The following CORO6 variants were observed in gnomAD, a reference collection of about 807,000 sequenced individuals.
CORO6 encodes the protein coronin 6, also known as coronin-6.
In CORO6, 43 loss-of-function variants were observed where a neutral mutation model predicts 49.0. That is an observed-to-expected ratio of 0.88 (90% CI 0.69 to 1.13). The LOEUF (loss-of-function observed/expected upper bound fraction) is 1.13, where lower values mean the gene tolerates loss of function less well. CORO6 is among the 50% of genes most tolerant of loss of function. The pLI is 0.00. For synonymous variants in CORO6, 233 were observed against 256.5 expected, an observed-to-expected ratio of 0.91 and a Z score of 0.88; for missense variants, 650 against 647.0, an observed-to-expected ratio of 1.00 and a Z score of -0.05.
chr17:29,621,138 T>G lies in CORO6; in HGVS notation c.198+86A>C. On this transcript the variant is annotated intron_variant, in intron 2 of 10. Transcript: ENST00000388767. This position sits in a 1 kb window ranked among gnomAD's most constrained non-coding sequence, Gnocchi z 4.2. ...ACAGATGCTTCTCCTGACTATGGAA[T>G]GGAACTAGGTGAGAACAAAGGCTCA... The G allele has an allele frequency of 6.6e-7, 1 of 1,512,278 alleles. No individual in the cohort carries two copies. The highest frequency in any genetic ancestry group is 9.0e-7 in the Non-Finnish European group (1 of 1,106,094). 93.7% of individuals were successfully genotyped at this position (1,512,278 alleles called of 1,614,324 possible). A position where few individuals can be genotyped will look rare whatever the true frequency, so the allele number is the denominator to read the frequency against.
At chr17:29,617,903 C>T (rs866037453) in intron 5 of CORO6, 13 of 764,874 alleles carry the variant, frequency 1.7e-5, no homozygotes, top group South Asian at 1.4e-4. Context: ...TGTCTGCTGG[C>T]TCCCCGGAGT....
chr17:29,618,354 C>T, intron 5 of CORO6: 1 of 1,289,920 alleles, frequency 7.8e-7, no homozygotes, highest in East Asian at 3.1e-5. Flanking sequence ...GAGGGTTGCC[C>T]CATCCCCCGC....
Position 29,621,257 on chromosome 17 carries a change from G to A in CORO6, c.165C>T (p.Gly55=), listed in dbSNP as rs759211260. ...GAGGCAGGACGATGAAGGCACCCCC[G>A]CCTCCAGCCTCCACAATAATGGCCA... ...KFLAIIVEAG[G]GGAFIVLPLA... The change falls in exon 2 of 11, where the codon GGC becomes GGT. Residue 55 remains glycine (G), a synonymous_variant. Coordinates refer to ENST00000388767, the MANE Select transcript of CORO6 (RefSeq NM_032854.4). The surrounding 1 kb of genome is among the most constrained non-coding windows in gnomAD (Gnocchi z 4.2). The A allele has an allele frequency of 2.8e-5, 45 of 1,613,974 alleles. No homozygotes were observed. Among genetic ancestry groups the A allele is most frequent in the Non-Finnish European group, 3.5e-5 (41 of 1,180,032 alleles).
At position 29,621,484 on chromosome 17, in the gene CORO6, G is replaced by A. The variant is rs1459791963; in HGVS notation, c.-63C>T. 6.5e-7 allele frequency: 1 copy of A among 1,546,772 alleles called. No individual in the cohort carries two copies. Among genetic ancestry groups the A allele is most frequent in the South Asian group, 1.2e-5 (1 of 84,384 alleles). ...ATGCCTTTGGTCCTTAGTCCTGTGAGCTGCGGGAGGGAGGAGGAGTGGAGG... is the reference window on the plus strand; with the variant it reads ...ATGCCTTTGGTCCTTAGTCCTGTGAACTGCGGGAGGGAGGAGGAGTGGAGG... On this transcript the variant is annotated splice_region_variant and 5_prime_UTR_variant, in exon 2 of 11. Coordinates refer to ENST00000388767, the MANE Select transcript of CORO6 (RefSeq NM_032854.4). This position sits in a 1 kb window ranked among gnomAD's most constrained non-coding sequence, Gnocchi z 4.2.
Position 29,619,193 on chromosome 17 carries a change from G to T in CORO6, c.322-4C>A. ...TATAGTCTGGAATCTGCCACACCTG[G>T]GTAGGAAGAAAAGGTATATGGTGGG... On this transcript the variant is annotated splice_region_variant and splice_polypyrimidine_tract_variant and intron_variant, in intron 3 of 10. Coordinates refer to ENST00000388767, the MANE Select transcript of CORO6 (RefSeq NM_032854.4). 1 of 1,613,194 alleles carries T rather than the reference G, an allele frequency of 6.2e-7. No homozygotes were observed. The highest frequency in any genetic ancestry group is 8.5e-7 in the Non-Finnish European group (1 of 1,179,834).
Position 29,615,779 on chromosome 17 carries a change from T to C in CORO6, c.1372A>G (p.Thr458Ala). Reference protein sequence around the residue: ...ERVQAQEQRITALENMLCELV... With the variant: ...ERVQAQEQRIAALENMLCELV... The stretch of plus-strand genomic sequence containing the variant: ...TCGCACAGCATGTTCTCCAGAGCCG[T>C]GATGCGCTGCTCCTGGGCCTGCACC... The change falls in exon 11 of 11, where the codon ACG (threonine) becomes GCG (alanine). Residue 458 changes from threonine (T) to alanine (A), a missense_variant. Coordinates refer to ENST00000388767, the MANE Select transcript of CORO6 (RefSeq NM_032854.4). 1 of 1,556,894 alleles carries C rather than the reference T, an allele frequency of 6.4e-7. No individual in the cohort carries two copies. The highest frequency in any genetic ancestry group is 8.7e-7 in the Non-Finnish European group (1 of 1,151,198).
chr17:29,621,202 C>T lies in CORO6; in HGVS notation c.198+22G>A, dbSNP rs374807611. 3.1e-6 allele frequency: 5 copies of T among 1,613,684 alleles called. No homozygotes were observed. The highest frequency in any genetic ancestry group is 3.4e-6 in the Non-Finnish European group (4 of 1,179,884). On this transcript the variant is annotated intron_variant, in intron 2 of 10. Transcript: ENST00000388767. The surrounding 1 kb of genome is among the most constrained non-coding windows in gnomAD (Gnocchi z 4.2). The stretch of plus-strand genomic sequence containing the variant: ...GCCCCAGCTAGTGTCCTCCCACTTG[C>T]TTCCTTTCCCTGATCCCTCACCTTG...
rs1325788099 is a variant in CORO6, at chr17:29,616,233, C to G, written c.1062+46G>C. On this transcript the variant is annotated intron_variant, in intron 9 of 10. Coordinates refer to ENST00000388767, the MANE Select transcript of CORO6 (RefSeq NM_032854.4). This position sits in a 1 kb window ranked among gnomAD's most constrained non-coding sequence, Gnocchi z 5.6. ...GAGAGGGTGCGGGGCTTGCTCCGCT[C>G]CCTTCCGCCTCGTAGCCCTGCCCAA... is the stretch of plus-strand genomic sequence containing the variant. The G allele has an allele frequency of 1.2e-6, 2 of 1,610,528 alleles. No homozygotes were observed. The highest frequency in any genetic ancestry group is 2.2e-5 in the East Asian group (1 of 44,820).
intron 6 of CORO6, 21 bp downstream of exon 6, chr17:29,617,479 C>T: frequency 6.3e-7 from 1 of 1,598,814 alleles, no homozygotes; most frequent in Non-Finnish European, 8.5e-7. Flanking sequence ...GGCACACACC[C>T]CAAGCCTCCA....
chr17:29,614,895 G>T lies in CORO6; in HGVS notation c.*837C>A, dbSNP rs1286319697. On this transcript the variant is annotated 3_prime_UTR_variant, in exon 11 of 11. Transcript: ENST00000388767. ...CCTGAGCCCAGGAGTGCATCGCCAG[G>T]TCTCCCAGGAGCCTGGGGGTAGCAT... 6.6e-6 allele frequency: 1 copy of T among 152,238 alleles called. No individual in the cohort carries two copies. The highest frequency in any genetic ancestry group is 6.5e-5 in the Admixed American group (1 of 15,288). 9.4% of individuals were successfully genotyped at this position (152,238 alleles called of 1,614,324 possible).
Position 29,618,929 on chromosome 17 carries a change from TC to T in CORO6, c.493del (p.Glu165ArgfsTer4). 1 of 1,613,798 alleles carries T rather than the reference TC, an allele frequency of 6.2e-7. No homozygotes were observed. The highest frequency in any genetic ancestry group is 1.1e-5 in the South Asian group (1 of 91,082). Reference protein sequence around the residue: ...VIIIWNVGTGEVLLSLDDMHP... With the variant: ...VIIIWNVGTGXVLLSLDDMHP... ...CATATCATCCAGGCTCAGCAGCACC[TC>T]CCCGGTGCCCACATTCCAGATGATG... On this transcript the variant is annotated frameshift_variant, in exon 5 of 11. Coordinates refer to ENST00000388767, the MANE Select transcript of CORO6 (RefSeq NM_032854.4). LOFTEE classifies it high-confidence loss of function.
chr17:29,615,622 C>T lies in CORO6; in HGVS notation c.*110G>A. The T allele has an allele frequency of 3.2e-6, 4 of 1,246,292 alleles. No homozygotes were observed. In the Admixed American group the frequency reaches 1.3e-4, roughly 39 times the overall value. The allele number at this position is 1,246,292 out of a possible 1,614,324, so 77.2% of individuals were successfully genotyped here. On this transcript the variant is annotated 3_prime_UTR_variant, in exon 11 of 11. Coordinates refer to ENST00000388767, the MANE Select transcript of CORO6 (RefSeq NM_032854.4). ...CGAGGGGCGGAGTTCCCTCCCCAGT[C>T]CCGCCCCCGGGCCCAGCCCAAGAAG...
At position 29,621,091 on chromosome 17, in the gene CORO6, G is replaced by A; in HGVS notation, c.198+133C>T. On this transcript the variant is annotated intron_variant, in intron 2 of 10. Transcript: ENST00000388767. The surrounding 1 kb of genome is among the most constrained non-coding windows in gnomAD (Gnocchi z 4.2). ...CCCCTCTGGTCCTTGAGGGCTTGGG[G>A]AATAGGGAGGAGCCAATCCACACAG... 1 of 1,210,826 alleles carries A rather than the reference G, an allele frequency of 8.3e-7. No homozygotes were observed. 75.0% of individuals were successfully genotyped at this position (1,210,826 alleles called of 1,614,324 possible).
Position 29,615,691 on chromosome 17 carries a change from C to G in CORO6, c.*41G>C, listed in dbSNP as rs1430160878. 2 of 1,457,514 alleles carry G rather than the reference C, an allele frequency of 1.4e-6. No homozygotes were observed. Among genetic ancestry groups the G allele is most frequent in the Non-Finnish European group, 1.8e-6 (2 of 1,108,438 alleles). The allele number at this position is 1,457,514 out of a possible 1,614,324, so 90.3% of individuals were successfully genotyped here. A position where few individuals can be genotyped will look rare whatever the true frequency, so the allele number is the denominator to read the frequency against. ...GACTAAAAGCCGGGGCGGGGCCGAG[C>G]TTGTGCGCCCCGCCCCGCTCCGCCT... On this transcript the variant is annotated 3_prime_UTR_variant, in exon 11 of 11. Coordinates refer to ENST00000388767, the MANE Select transcript of CORO6 (RefSeq NM_032854.4).
intron 3 of CORO6, 45 bp downstream of exon 3, chr17:29,619,606 C>T: frequency 1.3e-6 from 2 of 1,599,302 alleles, no homozygotes; most frequent in Admixed American, 1.7e-5. Flanking sequence ...GCAGCCTTCC[C>T]TGCTCCCCTG....
chr17:29,617,051 G>C lies in CORO6; in HGVS notation c.754-9C>G. The C allele has an allele frequency of 6.2e-7, 1 of 1,612,714 alleles. No individual in the cohort carries two copies. The highest frequency in any genetic ancestry group is 1.1e-5 in the South Asian group (1 of 91,070). The stretch of plus-strand genomic sequence containing the variant: ...GGCTCCTCGAAGTTGTTCTGCCCGA[G>C]CACAGGAGGCGTGACCAGCCCTGCC... On this transcript the variant is annotated splice_polypyrimidine_tract_variant and intron_variant, in intron 6 of 10. Transcript: ENST00000388767.
chr17:29,618,832 C>G lies in CORO6; in HGVS notation c.591G>C (p.Lys197Asn). 1 of 1,614,024 alleles carries G rather than the reference C, an allele frequency of 6.2e-7. No individual in the cohort carries two copies. The highest frequency in any genetic ancestry group is 1.1e-5 in the South Asian group (1 of 91,078). The change falls in exon 5 of 11, where the codon AAG becomes AAC. Residue 197 changes from lysine to asparagine, a missense_variant. Transcript: ENST00000388767. Reference protein sequence around the residue: ...GSLLATTCKDKTLRIIDPRKG... With the variant: ...GSLLATTCKDNTLRIIDPRKG... ...TTCTGGGGTCAATGATGCGCAAGGT[C>G]TTGTCCTTGCAGGTGGTGGCTAGCA... is the stretch of plus-strand genomic sequence containing the variant.
rs775982453 is a variant in CORO6, at chr17:29,619,086, G to T, written c.425C>A (p.Thr142Asn). ...KRVGILSWHP[T>N]ARNVLLSAGG... ...TGCACTGAGCAGGACATTCCTGGCA[G>T]TAGGGTGCCAGGAGAGGATGCCCAC... is the stretch of plus-strand genomic sequence containing the variant. Residue 142 changes from threonine (T) to asparagine (N), a missense_variant, in exon 4 of 11, where the codon ACT becomes AAT. Coordinates refer to ENST00000388767, the MANE Select transcript of CORO6 (RefSeq NM_032854.4). 1.5e-5 allele frequency: 24 copies of T among 1,613,634 alleles called. No individual in the cohort carries two copies. The highest frequency in any genetic ancestry group is 2.0e-5 in the Non-Finnish European group (24 of 1,179,846).
intron 6 of CORO6, 148 bp downstream of exon 6, chr17:29,617,352 G>A (rs1176571796): frequency 3.9e-6 from 6 of 1,541,764 alleles, no homozygotes; most frequent in Non-Finnish European, 4.3e-6. Context: ...TGGGCAGAGG[G>A]GTGGGTGTGA....
Sources: allele counts gnomAD v4.1 joint callset, GRCh38; gene constraint gnomAD v4.1.1; non-coding constraint Gnocchi (gnomAD v3.1); transcripts MANE v1.5; gene names NCBI Gene and HGNC (gene_info 2026-07-23, HGNC 2026-07-21).